The following EFHD1 variants were observed in gnomAD, a reference collection of about 807,000 sequenced individuals.
EFHD1 encodes the protein EF-hand domain family member D1.
A neutral mutation model predicts 17.2 loss-of-function variants in EFHD1; 10 were observed. The ratio of observed to expected loss-of-function variants is 0.58; its 90% CI spans 0.36 to 0.99. The LOEUF is 0.99. EFHD1 is among the 50% of genes least tolerant of loss of function. The pLI, the probability that EFHD1 is intolerant of heterozygous loss-of-function variation, is 0.01. For synonymous variants in EFHD1, 153 were observed against 142.0 expected (o/e 1.08, Z -0.55); for missense variants, 310 against 327.5 (o/e 0.95, Z 0.41).
chr2:232,672,581 C>G, intron 3 of EFHD1, 138 bp downstream of exon 3: 1 of 1,232,618 alleles, frequency 8.1e-7, no homozygotes, highest in Non-Finnish European at 1.1e-6. Context: ...GCTCTGCCAA[C>G]CAGCAAGTGG....
intron 1 of EFHD1, among the ~76,000 whole-genome samples, chr2:232,659,451 G>A (rs1249852084): frequency 6.6e-6 from 1 of 152,132 alleles, no homozygotes; most frequent in African/African-American, 2.4e-5. Context: ...CATAGAGGAG[G>A]GCAGGGAGGG....
intron 1 of EFHD1, among the ~76,000 whole-genome samples, chr2:232,646,884 T>C (rs1694540292): frequency 6.6e-6 from 1 of 152,234 alleles, no homozygotes; most frequent in South Asian, 2.1e-4. Context: ...CCCAAGGCCA[T>C]GGCAGAGTGG....
At chr2:232,640,499 C>G (rs1365314706) in intron 1 of EFHD1, among the ~76,000 whole-genome samples, 4 of 152,200 alleles carry the variant, frequency 2.6e-5, no homozygotes, top group African/African-American at 9.7e-5. Context: ...CCTTTCCAAC[C>G]TGCTATGAGC....
Position 232,633,796 on chromosome 2 carries a change from C to T in EFHD1, c.92C>T (p.Ala31Val), listed in dbSNP as rs112941683. ...ESGPQLAPLG[A>V]PAPEPKPEPE... The stretch of plus-strand genomic sequence containing the variant: ...GGCCCCCAGCTGGCTCCCCTCGGCG[C>T]CCCAGCCCCGGAGCCCAAGCCCGAG... The change falls in exon 1 of 4, where the codon GCC (alanine) becomes GTC (valine). Residue 31 changes from alanine (A) to valine (V), a missense_variant. Ala to Val is a moderately conservative substitution (Grantham distance 64, BLOSUM62 0). Coordinates refer to ENST00000264059, the MANE Select transcript of EFHD1 (RefSeq NM_025202.4). The T allele has an allele frequency of 0.047, 68,281 of 1,457,998 alleles. 1,938 individuals carry two copies. Among genetic ancestry groups the T allele is most frequent in the South Asian group, 0.11 (8,199 of 74,948 alleles). The allele number at this position is 1,457,998 out of a possible 1,614,324, so 90.3% of individuals were successfully genotyped here. A position where few individuals can be genotyped will look rare whatever the true frequency, so the allele number is the denominator to read the frequency against.
At chr2:232,665,566 C>T (rs775862586) in intron 2 of EFHD1, among the ~76,000 whole-genome samples, 23 of 152,234 alleles carry the variant, frequency 1.5e-4, no homozygotes, top group Admixed American at 3.9e-4. Flanking sequence ...GGACTACAGG[C>T]GCATGCCATC....
chr2:232,638,949 T>A (rs1559344479), intron 1 of EFHD1, among the ~76,000 whole-genome samples: 1 of 152,146 alleles, frequency 6.6e-6, no homozygotes, highest in Non-Finnish European at 1.5e-5. Context: ...CAGCCTTCTG[T>A]TTTGGGTCTT....
intron 1 of EFHD1, among the ~76,000 whole-genome samples, chr2:232,624,061 C>T (rs961551609): frequency 2.0e-5 from 3 of 152,194 alleles, no homozygotes; most frequent in African/African-American, 7.2e-5. Context: ...CTTCTTATAG[C>T]CATGCCCAGG....
At chr2:232,632,018 T>C (rs1332322240), upstream of EFHD1, among the ~76,000 whole-genome samples, 1 of 149,840 alleles carries the variant, frequency 6.7e-6, no homozygotes, top group African/African-American at 2.4e-5. Context: ...AAAAAAAAAG[T>C]TTTTAAAATA....
upstream of EFHD1, among the ~76,000 whole-genome samples, chr2:232,630,905 A>G (rs1228945769): frequency 6.6e-6 from 1 of 152,072 alleles, no homozygotes; most frequent in Non-Finnish European, 1.5e-5. Flanking sequence ...ACTGTTGTAA[A>G]TTTCAGCATG....
chr2:232,675,369 C>G (rs62193264), intron 3 of EFHD1, among the ~76,000 whole-genome samples: 1 of 152,194 alleles, frequency 6.6e-6, no homozygotes, highest in African/African-American at 2.4e-5. Flanking sequence ...GGATGGCTCC[C>G]AGCTACACTA....
upstream of EFHD1, among the ~76,000 whole-genome samples, chr2:232,630,622 A>G (rs758689937): frequency 2.6e-5 from 4 of 152,040 alleles, no homozygotes; most frequent in Non-Finnish European, 4.4e-5. Context: ...AAAAAGTGAA[A>G]TTTTGTTCAC....
rs370094562 is a variant in EFHD1, at chr2:232,643,388, T to A, written c.302+9382T>A. Among the ~76,000 whole-genome samples the A allele has an allele frequency of 7.9e-4, 120 of 152,040 alleles. 1 individual carries two copies. Among genetic ancestry groups the A allele is most frequent in the African/African-American group, 2.8e-3 (118 of 41,508 alleles). On this transcript the variant is annotated intron_variant, in intron 1 of 3. Transcript: ENST00000264059. ...GTTCCAGGGCTCTTTTCTGTCCATC[T>A]GTGTGCTTTGTTTTCGTTTGTATTT...
chr2:232,613,412 A>G (rs1172211170), intron 1 of EFHD1, among the ~76,000 whole-genome samples: 1 of 152,138 alleles, frequency 6.6e-6, no homozygotes, highest in Non-Finnish European at 1.5e-5. Flanking sequence ...CAACAGAGCA[A>G]GACTCTGTCT....
intron 1 of EFHD1, among the ~76,000 whole-genome samples, chr2:232,614,757 T>A (rs1364581458): frequency 6.6e-6 from 1 of 152,136 alleles, no homozygotes; most frequent in East Asian, 1.9e-4. Context: ...AGGTGGATTA[T>A]TTGAGCCCTG....
chr2:232,614,829 A>T (rs952969335), intron 1 of EFHD1, among the ~76,000 whole-genome samples: 11 of 152,148 alleles, frequency 7.2e-5, no homozygotes, highest in African/African-American at 2.4e-4. Context: ...TACAAAAATT[A>T]GCCAGGTATG....
chr2:232,649,272 C>T (rs1020633779), intron 1 of EFHD1, among the ~76,000 whole-genome samples: 1 of 152,172 alleles, frequency 6.6e-6, no homozygotes, highest in African/African-American at 2.4e-5. Flanking sequence ...GGGGGCTTTC[C>T]CAGGCAGTGG....
At chr2:232,612,457 C>A (rs1311595416) in intron 1 of EFHD1, among the ~76,000 whole-genome samples, 2 of 151,954 alleles carry the variant, frequency 1.3e-5, no homozygotes, top group Admixed American at 6.6e-5. Flanking sequence ...CAGAAATGGG[C>A]AAAAGATTTG....
intron 1 of EFHD1, among the ~76,000 whole-genome samples, chr2:232,615,312 AGTGTGTGT>A (rs35239145): frequency 9.4e-4 from 128 of 136,578 alleles, no homozygotes; most frequent in African/African-American, 2.9e-3. Flanking sequence ...TGTCAACTAT[AGTGTGTGT>A]GTGTGTGTGT....
In EFHD1 at chr2:232,633,851, C is replaced by T; in HGVS notation, c.147C>T (p.Ala49=). ...EPEPPARAPT[A]SADAELSAQL... Reference sequence around the variant, plus strand: ...AGCCTCCCGCCCGTGCGCCCACGGCCAGCGCCGACGCGGAGCTGAGCGCCC... The same window carrying T: ...AGCCTCCCGCCCGTGCGCCCACGGCTAGCGCCGACGCGGAGCTGAGCGCCC... The change falls in exon 1 of 4, where the codon GCC becomes GCT. Residue 49 remains alanine (A), a synonymous_variant. Transcript: ENST00000264059. The T allele has an allele frequency of 6.7e-7, 1 of 1,502,132 alleles. No individual in the cohort carries two copies. The highest frequency in any genetic ancestry group is 8.8e-7 in the Non-Finnish European group (1 of 1,134,194). 93.1% of individuals were successfully genotyped at this position (1,502,132 alleles called of 1,614,324 possible). A position where few individuals can be genotyped will look rare whatever the true frequency, so the allele number is the denominator to read the frequency against.
Sources: gnomAD v4.1 joint callset for allele counts (sites outside exome capture counted in the v4.1 genomes callset) on GRCh38, gnomAD v4.1.1 for gene constraint, MANE v1.5 for transcripts, NCBI Gene and HGNC (gene_info 2026-07-23, HGNC 2026-07-21) for gene names.